Variants in TRHR observed in about 807,000 individuals in gnomAD.
TRHR encodes thyrotropin-releasing hormone receptor.
TRHR carries 14 observed loss-of-function variants against 28.0 expected under a neutral mutation model. The ratio of observed to expected loss-of-function variants is 0.50; its 90% CI spans 0.33 to 0.78. The LOEUF is 0.78. Ranked by LOEUF, TRHR falls within the 30% of genes least tolerant of loss-of-function variation. The pLI, the probability that TRHR is intolerant of heterozygous loss-of-function variation, is 0.02. For missense variants in TRHR, 438 were observed against 469.5 expected, an observed-to-expected ratio of 0.93 and a Z score of 0.62; for synonymous variants, 176 against 171.9, an observed-to-expected ratio of 1.02 and a Z score of -0.18.
chr8:109,103,610 A>C (rs948746297), intron 2 of TRHR, among the ~76,000 whole-genome samples: 3 of 152,158 alleles, frequency 2.0e-5, no homozygotes, highest in Non-Finnish European at 4.4e-5. Flanking sequence ...CTTGAGCATC[A>C]TGCAGAATGT....
chr8:109,110,530 G>A (rs1416617482), intron 2 of TRHR, among the ~76,000 whole-genome samples: 1 of 151,656 alleles, frequency 6.6e-6, no homozygotes, highest in Admixed American at 6.6e-5. Flanking sequence ...TCAGAATAGA[G>A]CCCAGAAAAC....
intron 2 of TRHR, among the ~76,000 whole-genome samples, chr8:109,093,341 CCATGTGTCTTCCGTCT>C (rs1276403407): frequency 2.6e-5 from 4 of 151,310 alleles, no homozygotes; most frequent in Non-Finnish European, 5.9e-5. Flanking sequence ...GAACTGGCTT[CCATGTGTCTTCCGTCT>C]TCTCCCCTGC....
intron 2 of TRHR, among the ~76,000 whole-genome samples, chr8:109,106,093 A>T (rs1016506707): frequency 6.6e-6 from 1 of 152,188 alleles, no homozygotes; most frequent in African/African-American, 2.4e-5. Context: ...CAGGCAGCCT[A>T]AACTAGCAGC....
Position 109,092,954 on chromosome 8 carries a change from T to A in TRHR, c.789+4653T>A, listed in dbSNP as rs565358509. 1.3e-4 allele frequency among the ~76,000 whole-genome samples: 20 copies of A among 151,934 alleles called. No homozygotes were observed. In the South Asian group the frequency reaches 1.5e-3, roughly 11 times the overall value. On this transcript the variant is annotated intron_variant, in intron 2 of 2. Transcript: ENST00000518632. ...GTTTTCACTGGATCTTTTTTTTTTT[T>A]AAACACAATTATAGTCAAATGTATA...
intron 2 of TRHR, among the ~76,000 whole-genome samples, chr8:109,117,976 A>G (rs770726593): frequency 7.2e-5 from 11 of 151,994 alleles, no homozygotes; most frequent in Non-Finnish European, 1.5e-4. Flanking sequence ...ACAGTGAGCA[A>G]TCTGGGATAT....
intron 2 of TRHR, among the ~76,000 whole-genome samples, chr8:109,094,501 A>G (rs1811560709): frequency 6.6e-6 from 1 of 152,060 alleles, no homozygotes; most frequent in South Asian, 2.1e-4. Context: ...TAAGTTCAGG[A>G]GAAAAATGTG....
intron 2 of TRHR, among the ~76,000 whole-genome samples, chr8:109,090,880 G>T (rs1055803318): frequency 8.5e-5 from 13 of 152,182 alleles, no homozygotes; most frequent in Non-Finnish European, 1.8e-4. Flanking sequence ...AATGAATGAT[G>T]TATTTGTGGG....
chr8:109,094,795 C>T (rs1489318002), intron 2 of TRHR, among the ~76,000 whole-genome samples: 1 of 151,530 alleles, frequency 6.6e-6, no homozygotes, highest in East Asian at 2.0e-4. Flanking sequence ...TAAATTATTC[C>T]ATATGCCTAC....
chr8:109,119,087 C>G lies in TRHR; in HGVS notation c.829C>G (p.Leu277Val). Reference protein sequence around the residue: ...MLAVVVILFALLWMPYRTLVV... With the variant: ...MLAVVVILFAVLWMPYRTLVV... The stretch of plus-strand genomic sequence containing the variant: ...GGCAGTGGTTGTAATTCTGTTTGCC[C>G]TTTTATGGATGCCCTACAGGACTCT... The change falls in exon 3 of 3, where the codon CTT becomes GTT. Residue 277 changes from leucine (L) to valine (V), a missense_variant. Physicochemically the swap from Leu to Val is conservative, Grantham distance 32. Transcript: ENST00000518632. 1 of 1,612,694 alleles carries G rather than the reference C, an allele frequency of 6.2e-7. No homozygotes were observed. Among genetic ancestry groups the G allele is most frequent in the Non-Finnish European group, 8.5e-7 (1 of 1,179,176 alleles).
At chr8:109,108,955 T>C (rs546835227) in intron 2 of TRHR, among the ~76,000 whole-genome samples, 3 of 152,308 alleles carry the variant, frequency 2.0e-5, no homozygotes, top group South Asian at 2.1e-4. Flanking sequence ...GTTGCTAGTA[T>C]TGCAGAAAGT....
At chr8:109,119,014 T>C (rs1198836177) in intron 2 of TRHR, 34 bp from the exon 3 acceptor site, 3 of 1,611,840 alleles carry the variant, frequency 1.9e-6, no homozygotes, top group Non-Finnish European at 2.5e-6. Flanking sequence ...TTTTCATTTG[T>C]GTTTGTACAG....
intron 2 of TRHR, among the ~76,000 whole-genome samples, chr8:109,093,611 G>A (rs1016038487): frequency 1.3e-5 from 2 of 151,404 alleles, no homozygotes; most frequent in African/African-American, 4.9e-5. Context: ...TCACCACGTT[G>A]GCCAGGATAG....
chr8:109,099,342 G>A (rs10481109), intron 2 of TRHR, among the ~76,000 whole-genome samples: 5,036 of 152,294 alleles, frequency 0.033, 126 homozygotes, highest in Non-Finnish European at 0.053. Flanking sequence ...GCTAAAATGG[G>A]ATGGGAGACT....
rs1811458869 is a variant in TRHR, at chr8:109,087,756, A to G, written c.244A>G (p.Asn82Asp). 1 of 1,614,050 alleles carries G rather than the reference A, an allele frequency of 6.2e-7. No homozygotes were observed. Among genetic ancestry groups the G allele is most frequent in the African/African-American group, 1.3e-5 (1 of 74,928 alleles). The change falls in exon 2 of 3, where the codon AAC becomes GAC. Residue 82 changes from asparagine to aspartate, a missense_variant. Asn to Asp is a conservative substitution (Grantham distance 23). Transcript: ENST00000518632. ...LMVLVAAGLPNITDSIYGSWV... is the reference protein window; with the variant it reads ...LMVLVAAGLPDITDSIYGSWV... ...GGTCTTGGTGGCCGCAGGCCTCCCCAACATAACAGACAGTATCTACGGTTC... is the reference window on the plus strand; with the variant it reads ...GGTCTTGGTGGCCGCAGGCCTCCCCGACATAACAGACAGTATCTACGGTTC...
At position 109,096,856 on chromosome 8, in the gene TRHR, G is replaced by A. The variant is rs1004067686; in HGVS notation, c.789+8555G>A. ...AATGAAAGTGTGAAAGAGTTCATTCGTACGGACTTAGGGTCTCGGTCAAGT... is the reference window on the plus strand; with the variant it reads ...AATGAAAGTGTGAAAGAGTTCATTCATACGGACTTAGGGTCTCGGTCAAGT... On this transcript the variant is annotated intron_variant, in intron 2 of 2. Coordinates refer to ENST00000518632, the MANE Select transcript of TRHR (RefSeq NM_003301.7). Among the ~76,000 whole-genome samples, 10 of 151,898 alleles carry A rather than the reference G, an allele frequency of 6.6e-5. 1 individual carries two copies. Among genetic ancestry groups the A allele is most frequent in the South Asian group, 4.2e-4 (2 of 4,798 alleles).
chr8:109,110,753 C>G (rs1452389913), intron 2 of TRHR, among the ~76,000 whole-genome samples: 1 of 152,166 alleles, frequency 6.6e-6, no homozygotes, highest in African/African-American at 2.4e-5. Flanking sequence ...CAGTAACTGA[C>G]AAGTTGATGT....
chr8:109,115,063 C>T (rs4236802), intron 2 of TRHR, among the ~76,000 whole-genome samples: 88,789 of 151,930 alleles, frequency 0.58, 28,038 homozygotes, highest in African/African-American at 0.83. Flanking sequence ...CAGAGGCTGA[C>T]GTAAAGAAGC....
intron 2 of TRHR, among the ~76,000 whole-genome samples, chr8:109,097,791 G>C (rs1811616723): frequency 6.6e-6 from 1 of 152,164 alleles, no homozygotes. Context: ...AAGCTATTGA[G>C]CAATGCCAGA....
At chr8:109,104,315 A>G (rs1811719719) in intron 2 of TRHR, among the ~76,000 whole-genome samples, 1 of 152,180 alleles carries the variant, frequency 6.6e-6, no homozygotes, top group African/African-American at 2.4e-5. Context: ...TTTATCATAA[A>G]GACAACTTGA....
Sources: allele counts gnomAD v4.1 joint callset (sites outside exome capture counted in the v4.1 genomes callset), GRCh38; gene constraint gnomAD v4.1.1; transcripts MANE v1.5; gene names NCBI Gene and HGNC (gene_info 2026-07-23, HGNC 2026-07-21).